Variants in PLEKHA6 observed in about 807,000 individuals in gnomAD.
PLEKHA6 encodes the protein pleckstrin homology domain containing A6.
In PLEKHA6, 60 loss-of-function variants were observed where a neutral mutation model predicts 116.7. That is an observed-to-expected ratio of 0.51 (90% CI 0.42 to 0.64). The LOEUF is 0.64. Among genes scored for constraint, PLEKHA6 ranks in the 30% least tolerant of loss-of-function variants. PLEKHA6 has a pLI of 0.00. For missense variants in PLEKHA6, 1,338 were observed against 1,422.7 expected, an observed-to-expected ratio of 0.94 and a Z score of 0.96; for synonymous variants, 489 against 556.1, an observed-to-expected ratio of 0.88 and a Z score of 1.70.
chr1:204,231,912 G>T (rs899834664), intron 17 of PLEKHA6, among the ~76,000 whole-genome samples: 1 of 151,918 alleles, frequency 6.6e-6, no homozygotes, highest in African/African-American at 2.4e-5. Context: ...TTGTTTTTTA[G>T]TATTTTTCCC....
At chr1:204,310,432 C>T (rs1221288085) in intron 1 of PLEKHA6, among the ~76,000 whole-genome samples, 1 of 152,190 alleles carries the variant, frequency 6.6e-6, no homozygotes, top group Non-Finnish European at 1.5e-5. Context: ...CAACAGCAGT[C>T]AGATCTGAAA....
At position 204,261,833 on chromosome 1, in the gene PLEKHA6, A is replaced by C. The variant is rs12143380; in HGVS notation, c.382-385T>G. 58,340 of 344,460 alleles carry C rather than the reference A, an allele frequency of 0.17. 5,751 individuals are homozygous for C. The highest frequency in any genetic ancestry group is 0.27 in the East Asian group (5,779 of 21,192). The allele number at this position is 344,460 out of a possible 1,614,324, so 21.3% of individuals were successfully genotyped here. ...GTCTGGGAGAGAGGACCCCCTGAGC[A>C]CATGCCAATCTTAGCCCCAGCTTCA... On this transcript the variant is annotated intron_variant, in intron 6 of 22. Transcript: ENST00000272203. The surrounding 1 kb of genome is among the most constrained non-coding windows in gnomAD (Gnocchi z 4.0).
chr1:204,330,541 C>G (rs908339893), intron 1 of PLEKHA6, among the ~76,000 whole-genome samples: 4 of 152,160 alleles, frequency 2.6e-5, no homozygotes, highest in Non-Finnish European at 4.4e-5. Context: ...AGTAACTGTG[C>G]TAGGCGATAG....
At chr1:204,373,788 C>A (rs1673819832) in intron 1 of PLEKHA6, among the ~76,000 whole-genome samples, 1 of 152,172 alleles carries the variant, frequency 6.6e-6, no homozygotes, top group South Asian at 2.1e-4. Context: ...AGAGATCTCC[C>A]AGCTAACCTA....
chr1:204,343,148 T>A (rs1672906434), intron 1 of PLEKHA6, among the ~76,000 whole-genome samples: 1 of 152,184 alleles, frequency 6.6e-6, no homozygotes, highest in South Asian at 2.1e-4. Flanking sequence ...ATGAGCTCAA[T>A]TTAAACACCA....
In PLEKHA6 at chr1:204,248,857, G is replaced by A; in HGVS notation, c.1788C>T (p.Leu596=). 1.2e-6 allele frequency: 2 copies of A among 1,614,102 alleles called. No individual in the cohort carries two copies. Among genetic ancestry groups the A allele is most frequent in the Non-Finnish European group, 1.7e-6 (2 of 1,180,006 alleles). ...GAGACAGCTCCACGCGGATGTTGAT[G>A]AGCTGGTTCTGCAGTGAATCCTTTT... ...RHKKDSLQNQ[L]INIRVELSQA... Residue 596 remains leucine (L), a synonymous_variant, in exon 12 of 23, where the codon CTC becomes CTT. Coordinates refer to ENST00000272203, the MANE Select transcript of PLEKHA6 (RefSeq NM_014935.5).
intron 21 of PLEKHA6, among the ~76,000 whole-genome samples, chr1:204,225,686 T>A (rs1004753055): frequency 2.0e-5 from 3 of 152,198 alleles, no homozygotes; most frequent in African/African-American, 7.2e-5. Context: ...ACATTTATGC[T>A]CCAACACCTT....
rs1385175717 is a variant in PLEKHA6, at chr1:204,228,980, A to G, written c.2708T>C (p.Met903Thr). ...PREEIARLRK[M>T]ELEPQHYDVD... ...GTCATAATGCTGGGGCTCTAGCTCC[A>G]TTTTGCGAAGCCGGGCAATTTCCTC... The change falls in exon 19 of 23, where the codon ATG becomes ACG. Residue 903 changes from methionine (M) to threonine (T), a missense_variant. This residue lies in a region of PLEKHA6 where 1,136 missense variants were observed against 1,163.6 expected (regional missense o/e 0.98). Coordinates refer to ENST00000272203, the MANE Select transcript of PLEKHA6 (RefSeq NM_014935.5). This position sits in a 1 kb window ranked among gnomAD's most constrained non-coding sequence, Gnocchi z 4.0. 7 of 1,614,076 alleles carry G rather than the reference A, an allele frequency of 4.3e-6. No individual in the cohort carries two copies. The highest frequency in any genetic ancestry group is 5.9e-6 in the Non-Finnish European group (7 of 1,180,014).
intron 1 of PLEKHA6, among the ~76,000 whole-genome samples, chr1:204,322,415 C>T (rs535967801): frequency 1.3e-5 from 2 of 152,338 alleles, no homozygotes; most frequent in Non-Finnish European, 2.9e-5. Context: ...TGCTTTCCAC[C>T]GCAACAGAAG....
At chr1:204,285,904 T>G (rs1669117187) in intron 1 of PLEKHA6, among the ~76,000 whole-genome samples, 1 of 152,124 alleles carries the variant, frequency 6.6e-6, no homozygotes, top group African/African-American at 2.4e-5. Flanking sequence ...CTTCCTGGAT[T>G]GGCCAACCTC....
At chr1:204,335,061 CT>C (rs1248588113) in intron 1 of PLEKHA6, among the ~76,000 whole-genome samples, 1 of 152,080 alleles carries the variant, frequency 6.6e-6, no homozygotes, top group African/African-American at 2.4e-5. Context: ...ATGTCTCTTC[CT>C]TCCCCATCCA....
intron 1 of PLEKHA6, chr1:204,313,542 G>C (rs1671742956): frequency 2.0e-6 from 2 of 983,746 alleles, no homozygotes; most frequent in African/African-American, 3.5e-5. Context: ...ATTGAAGAAA[G>C]AAGCTGACCT....
rs561434288 is a variant in PLEKHA6 at position 204,270,339 on chromosome 1, A to G, written c.103-2027T>C. Among the ~76,000 whole-genome samples, 3 of 152,306 alleles carry G rather than the reference A, an allele frequency of 2.0e-5. No individual in the cohort carries two copies. The East Asian group carries it at 5.8e-4, about 29-fold the overall frequency. On this transcript the variant is annotated intron_variant, in intron 3 of 22. Coordinates refer to ENST00000272203, the MANE Select transcript of PLEKHA6 (RefSeq NM_014935.5). ...ATACCCATTGCTTGAGCTATAAGCA[A>G]TATGATAAAATCTCCCTAAGCTATA...
chr1:204,226,048 C>T (rs991688726), intron 21 of PLEKHA6, among the ~76,000 whole-genome samples: 3 of 152,232 alleles, frequency 2.0e-5, no homozygotes, highest in African/African-American at 7.2e-5. Context: ...TCGCTGCACC[C>T]GCTGCACGCT....
chr1:204,332,445 G>A (rs1344870027), intron 1 of PLEKHA6, among the ~76,000 whole-genome samples: 1 of 152,008 alleles, frequency 6.6e-6, no homozygotes, highest in Non-Finnish European at 1.5e-5. Flanking sequence ...GATCCATCTC[G>A]GCTCACTGCA....
At chr1:204,362,646 T>C (rs1447661927), upstream of PLEKHA6, among the ~76,000 whole-genome samples, 1 of 152,174 alleles carries the variant, frequency 6.6e-6, no homozygotes, top group Non-Finnish European at 1.5e-5. Context: ...ACCTGGGCTT[T>C]AGCAATCCTC....
chr1:204,233,004 T>A (rs1661409175), intron 17 of PLEKHA6, among the ~76,000 whole-genome samples: 1 of 152,154 alleles, frequency 6.6e-6, no homozygotes, highest in Non-Finnish European at 1.5e-5. Flanking sequence ...GGTCTCACTA[T>A]GTTGCCCACA....
chr1:204,372,906 T>A (rs1053222008), intron 1 of PLEKHA6, among the ~76,000 whole-genome samples: 9 of 109,714 alleles, frequency 8.2e-5, no homozygotes, highest in Non-Finnish European at 1.6e-4. Context: ...CATCTTTCCC[T>A]GAAAAACTTT....
chr1:204,280,869 T>G (rs1055474946), intron 1 of PLEKHA6: 3 of 235,752 alleles, frequency 1.3e-5, no homozygotes, highest in African/African-American at 4.6e-5. Flanking sequence ...TTCCTGAAGC[T>G]CCCCCTGCCA....
Sources: gnomAD v4.1 joint callset for allele counts (sites outside exome capture counted in the v4.1 genomes callset) on GRCh38, gnomAD v4.1.1 for gene constraint, gnomAD v4.1.1 regional missense constraint, Gnocchi (gnomAD v3.1) non-coding constraint, MANE v1.5 for transcripts, NCBI Gene and HGNC (gene_info 2026-07-23, HGNC 2026-07-21) for gene names.